The following BCAS3 variants were observed in gnomAD, a reference collection of about 807,000 sequenced individuals.
The protein encoded by BCAS3 is BCAS3 microtubule associated cell migration factor.
BCAS3 carries 53 observed loss-of-function variants against 116.1 expected under a neutral mutation model. That is an observed-to-expected ratio of 0.46 (90% confidence interval 0.37 to 0.57). BCAS3 has a LOEUF of 0.57. Ranked by LOEUF, BCAS3 falls within the 20% of genes least tolerant of loss-of-function variation. BCAS3 has a pLI of 0.00. For missense variants in BCAS3, 917 were observed against 1,165.4 expected (o/e 0.79, Z 3.10); for synonymous variants, 391 against 408.2 (o/e 0.96, Z 0.51).
intron 14 of BCAS3, among the ~76,000 whole-genome samples, chr17:60,988,338 C>CTTTTTCT (rs2063296357): frequency 1.5e-5 from 1 of 66,762 alleles, no homozygotes. Flanking sequence ...TTTTCTTTTT[C>CTTTTTCT]TTTTTTTTTT....
chr17:60,983,996 G>A (rs2062973911), intron 14 of BCAS3, among the ~76,000 whole-genome samples: 1 of 152,132 alleles, frequency 6.6e-6, no homozygotes, highest in Admixed American at 6.5e-5. Flanking sequence ...AGTCAGTTAA[G>A]CTGAACATAA....
chr17:61,162,191 A>G lies in BCAS3; in HGVS notation c.2425+77627A>G, dbSNP rs982252691. Reference sequence around the variant, plus strand: ...TATTTTATTGGGAAATATCCTGGGTAAGTAAACAGTGATTGCAATGTGTAT... The same window carrying G: ...TATTTTATTGGGAAATATCCTGGGTGAGTAAACAGTGATTGCAATGTGTAT... On this transcript the variant is annotated intron_variant, in intron 22 of 23. Transcript: ENST00000407086. This position sits in a 1 kb window ranked among gnomAD's most constrained non-coding sequence, Gnocchi z 5.6. Among the ~76,000 whole-genome samples, 1 of 152,216 alleles carries G rather than the reference A, an allele frequency of 6.6e-6. No individual in the cohort carries two copies. Among genetic ancestry groups the G allele is most frequent in the Non-Finnish European group, 1.5e-5 (1 of 68,034 alleles).
intron 1 of BCAS3, 55 bp downstream of exon 1, chr17:60,677,969 T>C (rs944362249): frequency 6.5e-6 from 1 of 153,764 alleles, no homozygotes; most frequent in Non-Finnish European, 1.4e-5. Context: ...GACGAGGGAC[T>C]GGCGGCGTGA....
rs1038407570 is a variant in BCAS3, at chr17:61,020,300, C to T, written c.1637+4399C>T. On this transcript the variant is annotated intron_variant, in intron 16 of 23. Coordinates refer to ENST00000407086, the MANE Select transcript of BCAS3 (RefSeq NM_017679.5). This position sits in a 1 kb window ranked among gnomAD's most constrained non-coding sequence, Gnocchi z 4.5. ...CTGTGCAGTGTCAGGGACCATCTGT[C>T]TCACTGCGAGACATACATGAGGCCA... Among the ~76,000 whole-genome samples, 4 of 152,174 alleles carry T rather than the reference C, an allele frequency of 2.6e-5. No individual in the cohort carries two copies. The highest frequency in any genetic ancestry group is 2.0e-4 in the Admixed American group (3 of 15,280).
chr17:60,810,733 G>T, intron 7 of BCAS3: 1 of 664,354 alleles, frequency 1.5e-6, no homozygotes. Flanking sequence ...CAAGGTCACT[G>T]ATGACACCAA....
At chr17:60,978,815 A>G (rs1412932568) in intron 14 of BCAS3, among the ~76,000 whole-genome samples, 1 of 143,360 alleles carries the variant, frequency 7.0e-6, no homozygotes, top group Non-Finnish European at 1.5e-5. Context: ...ATAGTTGTAG[A>G]TATGCGGCGT....
chr17:60,776,876 G>A (rs956546775), intron 6 of BCAS3, among the ~76,000 whole-genome samples: 110 of 152,032 alleles, frequency 7.2e-4, no homozygotes, highest in African/African-American at 2.5e-3. Context: ...TTAGCTGGGC[G>A]TGGAGTTACA....
chr17:61,237,922 A>C (rs2083191625), intron 22 of BCAS3, among the ~76,000 whole-genome samples: 1 of 152,164 alleles, frequency 6.6e-6, no homozygotes, highest in South Asian at 2.1e-4. Context: ...CATATTCCTG[A>C]ATTGGATGAT....
chr17:60,711,924 G>A (rs1008105727), intron 5 of BCAS3, among the ~76,000 whole-genome samples: 1 of 152,022 alleles, frequency 6.6e-6, no homozygotes, highest in Non-Finnish European at 1.5e-5. Flanking sequence ...TACTTTGGGA[G>A]GCCAAGGCAG....
intron 9 of BCAS3, 111 bp from the exon 10 acceptor site, chr17:60,889,584 C>G: frequency 1.1e-6 from 1 of 870,302 alleles, no homozygotes; most frequent in Admixed American, 2.4e-5. Context: ...TTATGTGAGA[C>G]TTGAAAAAAT....
rs2074063105 is a variant in BCAS3, at chr17:61,097,621, AT to A, written c.2425+13062del. Among the ~76,000 whole-genome samples the A allele has an allele frequency of 6.6e-6, 1 of 152,176 alleles. No homozygotes were observed. ...AGGCTCTATGAGGAATCTTCAGGAT[AT>A]TTTTCAATAGACAGAAGTAAAAGAG... On this transcript the variant is annotated intron_variant, in intron 22 of 23. Transcript: ENST00000407086. The surrounding 1 kb of genome is among the most constrained non-coding windows in gnomAD (Gnocchi z 4.0).
At position 61,360,870 on chromosome 17, in the gene BCAS3, C is replaced by T. The variant is rs917214120; in HGVS notation, c.2426-7457C>T. Among the ~76,000 whole-genome samples the T allele has an allele frequency of 6.6e-5, 10 of 152,334 alleles. No individual in the cohort carries two copies. In the South Asian group the frequency reaches 1.4e-3, roughly 22 times the overall value. On this transcript the variant is annotated intron_variant, in intron 22 of 23. Transcript: ENST00000407086. ...CAAACAGGGAAAATGACTCTTCCAA[C>T]GTCATGCAGTGAGAAAGTAACAAGA...
chr17:60,952,938 C>T (rs1988078), intron 14 of BCAS3, among the ~76,000 whole-genome samples: 32,177 of 151,662 alleles, frequency 0.21, 4,212 homozygotes, highest in African/African-American at 0.38. Context: ...CCTGCAAAGA[C>T]ATGATCGCAT....
chr17:60,997,884 G>A (rs1167057793), intron 15 of BCAS3, among the ~76,000 whole-genome samples: 1 of 152,124 alleles, frequency 6.6e-6, no homozygotes, highest in Non-Finnish European at 1.5e-5. Flanking sequence ...GTGTACATGT[G>A]CAGATTCGTT....
chr17:61,335,254 AG>A (rs1337912994), intron 22 of BCAS3, among the ~76,000 whole-genome samples: 1 of 152,160 alleles, frequency 6.6e-6, no homozygotes, highest in Non-Finnish European at 1.5e-5. Context: ...CAGGGCTAGG[AG>A]GGGGACTTTC....
In BCAS3 at chr17:61,015,837, G is replaced by A. The variant is rs1326936698; in HGVS notation, c.1573G>A (p.Val525Ile). ...PRLSPLPSLMVVMPLAQIKQP... is the reference protein window; with the variant it reads ...PRLSPLPSLMIVMPLAQIKQP... ...GCTCTCTCCTCTTCCCAGCTTGATG[G>A]TAGTGATGCCTCTTGCACAAATCAA... The change falls in exon 16 of 24, where the codon GTA becomes ATA. Residue 525 changes from valine (V) to isoleucine (I), a missense_variant. Val to Ile is a conservative substitution (Grantham distance 29). This residue lies in a region of BCAS3 where 807 missense variants were observed against 1,026.0 expected (regional missense o/e 0.79). Transcript: ENST00000407086. The A allele has an allele frequency of 2.5e-6, 4 of 1,614,044 alleles. No individual in the cohort carries two copies. The highest frequency in any genetic ancestry group is 3.4e-6 in the Non-Finnish European group (4 of 1,179,958).
chr17:61,342,132 T>A, intron 22 of BCAS3, among the ~76,000 whole-genome samples: 1 of 152,054 alleles, frequency 6.6e-6, no homozygotes, highest in Non-Finnish European at 1.5e-5. Context: ...GCCTCCTGAG[T>A]AGCTGGGACT....
intron 22 of BCAS3, among the ~76,000 whole-genome samples, chr17:61,296,561 C>A (rs1057034368): frequency 7.2e-5 from 11 of 152,226 alleles, no homozygotes; most frequent in African/African-American, 2.7e-4. Context: ...AGTGTGAATT[C>A]TTTCCTGTCC....
intron 7 of BCAS3, among the ~76,000 whole-genome samples, chr17:60,841,154 ATTTTAC>A (rs2051862498): frequency 6.6e-6 from 1 of 152,164 alleles, no homozygotes; most frequent in South Asian, 2.1e-4. Flanking sequence ...TGAAGTCATA[ATTTTAC>A]TTATACTGCT....
Sources: allele counts gnomAD v4.1 joint callset (sites outside exome capture counted in the v4.1 genomes callset), GRCh38; gene constraint gnomAD v4.1.1; regional missense constraint gnomAD v4.1.1; non-coding constraint Gnocchi (gnomAD v3.1); transcripts MANE v1.5; gene names NCBI Gene and HGNC (gene_info 2026-07-23, HGNC 2026-07-21).